The following ADAM22 variants were observed in gnomAD, a reference collection of about 807,000 sequenced individuals.
ADAM22 encodes the protein disintegrin and metalloproteinase domain-containing protein 22.
ADAM22 carries 65 observed loss-of-function variants against 144.6 expected under a neutral mutation model. That is an observed-to-expected ratio of 0.45 (90% CI 0.37 to 0.55). ADAM22 has a LOEUF of 0.55. Among genes scored for constraint, ADAM22 ranks in the 20% least tolerant of loss-of-function variants. The probability of loss-of-function intolerance (pLI) is 0.00; values close to 1 mark genes in which losing one functional copy is unlikely to be tolerated. For synonymous variants in ADAM22, 391 were observed against 412.6 expected (o/e 0.95, Z 0.63); for missense variants, 974 against 1,184.9 (o/e 0.82, Z 2.61).
At chr7:87,935,221 C>T (rs1037929759) in intron 2 of ADAM22, 35 bp downstream of exon 2, 9 of 1,531,570 alleles carry the variant, frequency 5.9e-6, no homozygotes, top group African/African-American at 1.4e-5. Flanking sequence ...GTCCTCCGCG[C>T]CTCCCGGCCC....
chr7:87,994,227 T>G (rs1281359572), intron 3 of ADAM22, among the ~76,000 whole-genome samples: 1 of 151,908 alleles, frequency 6.6e-6, no homozygotes, highest in African/African-American at 2.4e-5. Context: ...AGTGGTGTGA[T>G]CTCAGCTCAC....
chr7:88,062,843 G>A (rs1021157226), intron 3 of ADAM22, among the ~76,000 whole-genome samples: 1 of 152,124 alleles, frequency 6.6e-6, no homozygotes, highest in African/African-American at 2.4e-5. Flanking sequence ...CAGGGAATAG[G>A]GATGCCTGTG....
chr7:88,163,190 C>T lies in ADAM22; in HGVS notation c.2076+10C>T. ...TTGCTCAGGAAATGGAGTAAGTATC[C>T]AGTACCTTGTCAGAATCTATTTCTT... On this transcript the variant is annotated intron_variant, in intron 23 of 31. Transcript: ENST00000413139. The T allele has an allele frequency of 6.3e-7, 1 of 1,580,202 alleles. No homozygotes were observed. The highest frequency in any genetic ancestry group is 1.2e-5 in the South Asian group (1 of 85,110).
intron 2 of ADAM22, among the ~76,000 whole-genome samples, chr7:87,970,189 T>C (rs1393032544): frequency 6.6e-6 from 1 of 152,128 alleles, no homozygotes; most frequent in Non-Finnish European, 1.5e-5. Flanking sequence ...AAGGCTATGG[T>C]GATTTTTCAG....
chr7:87,953,585 G>C (rs1562837721), intron 2 of ADAM22, among the ~76,000 whole-genome samples: 1 of 152,152 alleles, frequency 6.6e-6, no homozygotes, highest in South Asian at 2.1e-4. Context: ...TTTGGAATAG[G>C]TGTGGTGTGG....
chr7:88,151,829 A>C (rs1838480797), intron 20 of ADAM22, among the ~76,000 whole-genome samples: 1 of 152,182 alleles, frequency 6.6e-6, no homozygotes, highest in Non-Finnish European at 1.5e-5. Flanking sequence ...GCTGTATCAG[A>C]AAGAAATGTT....
At chr7:88,057,557 C>T (rs573359493) in intron 3 of ADAM22, among the ~76,000 whole-genome samples, 1 of 152,146 alleles carries the variant, frequency 6.6e-6, no homozygotes, top group East Asian at 1.9e-4. Flanking sequence ...AATGACAACT[C>T]TCATCTGACT....
intron 7 of ADAM22, among the ~76,000 whole-genome samples, chr7:88,119,325 C>T (rs1828637216): frequency 6.6e-6 from 1 of 152,214 alleles, no homozygotes; most frequent in Admixed American, 6.5e-5. Flanking sequence ...CAGTGCCTCC[C>T]ACCTCTGCCA....
At chr7:88,122,399 A>G in intron 7 of ADAM22, among the ~76,000 whole-genome samples, 1 of 152,294 alleles carries the variant, frequency 6.6e-6, no homozygotes, top group South Asian at 2.1e-4. Flanking sequence ...TCACACTCAG[A>G]GAGAGGGCAT....
At position 87,935,167 on chromosome 7, in the gene ADAM22, G is replaced by A; in HGVS notation, c.227G>A (p.Gly76Asp). 1.2e-6 allele frequency: 2 copies of A among 1,609,388 alleles called. No homozygotes were observed. Among genetic ancestry groups the A allele is most frequent in the Non-Finnish European group, 1.7e-6 (2 of 1,177,656 alleles). The change falls in exon 2 of 32, where the codon GGC becomes GAC. Residue 76 changes from glycine to aspartate, a missense_variant. By Grantham distance (94) the Gly-to-Asp change is moderately conservative (BLOSUM62 -1). Around this residue, in one of 2 missense-constraint regions of ADAM22, gnomAD observed 240 missense variants for 234.3 expected, o/e 1.02. Transcript: ENST00000413139. ...RHDALDTRVR[G>D]DLGGPQLTHV... ...GACGCGCTCGACACGCGGGTGCGGG[G>A]CGACCTCGGTGGCCCGCAGGTGAGA... is the stretch of plus-strand genomic sequence containing the variant.
chr7:88,067,821 A>C (rs1811678362), intron 3 of ADAM22, among the ~76,000 whole-genome samples: 1 of 152,170 alleles, frequency 6.6e-6, no homozygotes, highest in Non-Finnish European at 1.5e-5. Context: ...CCTCAATAGA[A>C]GTAACAAAAA....
chr7:88,187,876 G>A (rs1848665289), intron 30 of ADAM22, among the ~76,000 whole-genome samples: 2 of 152,050 alleles, frequency 1.3e-5, no homozygotes, highest in African/African-American at 2.4e-5. Context: ...CAAGGAAAGC[G>A]TAACTCCTGC....
intron 25 of ADAM22, chr7:88,168,435 T>C (rs774234669): frequency 3.3e-6 from 2 of 604,718 alleles, no homozygotes; most frequent in Non-Finnish European, 6.2e-6. Context: ...CTTCCTTCTA[T>C]TGTAAAAGAA....
chr7:88,012,945 A>C (rs1270497265), intron 3 of ADAM22, among the ~76,000 whole-genome samples: 2 of 152,142 alleles, frequency 1.3e-5, no homozygotes, highest in Non-Finnish European at 2.9e-5. Context: ...CATGTAATTC[A>C]TATTGGTTAC....
At chr7:87,978,932 A>G (rs919104645) in intron 3 of ADAM22, among the ~76,000 whole-genome samples, 1 of 151,944 alleles carries the variant, frequency 6.6e-6, no homozygotes, top group East Asian at 1.9e-4. Flanking sequence ...ATAGTTGTCT[A>G]TCTAGAATTT....
chr7:87,968,583 T>C (rs1188391438), intron 2 of ADAM22, among the ~76,000 whole-genome samples: 1 of 152,008 alleles, frequency 6.6e-6, no homozygotes, highest in African/African-American at 2.4e-5. Flanking sequence ...TAGCTGAGTA[T>C]GGTGGCACAT....
chr7:88,023,962 G>T (rs1238738964), intron 3 of ADAM22, among the ~76,000 whole-genome samples: 1 of 151,906 alleles, frequency 6.6e-6, no homozygotes, highest in Non-Finnish European at 1.5e-5. Context: ...CCTGTGTCTG[G>T]CTTATTTCTC....
rs1263568776 is a variant in ADAM22 at position 88,130,553 on chromosome 7, C to G, written c.825+94C>G. On this transcript the variant is annotated intron_variant, in intron 10 of 31. Coordinates refer to ENST00000413139, the MANE Select transcript of ADAM22 (RefSeq NM_001324418.2). ...ATATGATTCTTATAGTTTTACTGCT[C>G]TATGTTGCACTTCAGCCAAGGTGTC... 16 of 1,229,118 alleles carry G rather than the reference C, an allele frequency of 1.3e-5. No individual in the cohort carries two copies. In the South Asian group the frequency reaches 1.9e-4, roughly 14 times the overall value. 76.1% of individuals were successfully genotyped at this position (1,229,118 alleles called of 1,614,324 possible).
At chr7:88,162,350 G>A (rs1841938794) in intron 22 of ADAM22, among the ~76,000 whole-genome samples, 1 of 152,024 alleles carries the variant, frequency 6.6e-6, no homozygotes, top group African/African-American at 2.4e-5. Context: ...GTGATGAGGA[G>A]GAGGGAGTGG....
Sources: gnomAD v4.1 joint callset for allele counts (sites outside exome capture counted in the v4.1 genomes callset) on GRCh38, gnomAD v4.1.1 for gene constraint, gnomAD v4.1.1 regional missense constraint, MANE v1.5 for transcripts, NCBI Gene and HGNC (gene_info 2026-07-23, HGNC 2026-07-21) for gene names.